ATP2B1: variants seen among roughly 807,000 people sequenced by gnomAD.
ATP2B1 encodes the protein plasma membrane calcium-transporting ATPase 1.
A neutral mutation model predicts 124.2 loss-of-function variants in ATP2B1; 14 were observed. That is an observed-to-expected ratio of 0.11 (90% CI 0.07 to 0.18). ATP2B1 has a LOEUF of 0.18. ATP2B1 is among the 10% of genes least tolerant of loss of function. ATP2B1 has a pLI of 1.00. For synonymous variants in ATP2B1, 449 were observed against 492.4 expected (o/e 0.91, Z 1.17); for missense variants, 763 against 1,466.1 (o/e 0.52, Z 7.83).
chr12:89,636,961 C>T (rs1882810741), intron 3 of ATP2B1, among the ~76,000 whole-genome samples: 1 of 152,196 alleles, frequency 6.6e-6, no homozygotes, highest in South Asian at 2.1e-4. Context: ...ACTCTCCCCG[C>T]TCCATTCCTC....
chr12:89,603,514 TC>T lies in ATP2B1; in HGVS notation c.2848+197del. 1.5e-6 allele frequency: 1 copy of T among 647,982 alleles called. No homozygotes were observed. Among genetic ancestry groups the T allele is most frequent in the Non-Finnish European group, 2.6e-6 (1 of 382,156 alleles). 40.1% of individuals were successfully genotyped at this position (647,982 alleles called of 1,614,324 possible). ...AGGGTAAGACATCAGGACTGTTTAT[TC>T]TCCTGTTTATTCTACTATCTAGCTT... On this transcript the variant is annotated intron_variant, in intron 17 of 20. Transcript: ENST00000428670. This position sits in a 1 kb window ranked among gnomAD's most constrained non-coding sequence, Gnocchi z 4.3.
chr12:89,599,377 T>A, intron 19 of ATP2B1, 78 bp from the exon 20 acceptor site: 1 of 1,464,146 alleles, frequency 6.8e-7, no homozygotes, highest in Non-Finnish European at 9.3e-7. Context: ...ACTAAAGGTA[T>A]TAAAAGTGGT....
chr12:89,685,595 G>T (rs1889870721), intron 1 of ATP2B1, among the ~76,000 whole-genome samples: 1 of 152,072 alleles, frequency 6.6e-6, no homozygotes, highest in Non-Finnish European at 1.5e-5. Flanking sequence ...AACTCTGGGG[G>T]TGTGGCCTCA....
At chr12:89,611,086 C>T in intron 13 of ATP2B1, 107 bp downstream of exon 13, 1 of 1,019,120 alleles carries the variant, frequency 9.8e-7, no homozygotes. Flanking sequence ...GCATTTATTT[C>T]ATGCATGGTG....
chr12:89,609,460 T>C (rs941885448), intron 15 of ATP2B1, among the ~76,000 whole-genome samples: 2 of 152,122 alleles, frequency 1.3e-5, no homozygotes, highest in African/African-American at 4.8e-5. Flanking sequence ...AATTGAGGAC[T>C]TTGGGGAAAA....
At chr12:89,604,733 T>C (rs1876503755) in intron 15 of ATP2B1, among the ~76,000 whole-genome samples, 1 of 151,764 alleles carries the variant, frequency 6.6e-6, no homozygotes, top group South Asian at 2.1e-4. Context: ...AAAAAACCCA[T>C]AAAACCTTAG....
intron 1 of ATP2B1, among the ~76,000 whole-genome samples, chr12:89,696,843 T>C (rs930086828): frequency 5.3e-5 from 8 of 152,170 alleles, no homozygotes; most frequent in Non-Finnish European, 5.9e-5. Flanking sequence ...TATGTGTAAA[T>C]TGCTTTGAAC....
At chr12:89,614,631 T>C (rs1878635722) in intron 12 of ATP2B1, among the ~76,000 whole-genome samples, 1 of 152,162 alleles carries the variant, frequency 6.6e-6, no homozygotes, top group African/African-American at 2.4e-5. Flanking sequence ...CATAAAAGCC[T>C]TCTTCCCTAG....
At chr12:89,650,590 A>C (rs1287559474) in intron 2 of ATP2B1, among the ~76,000 whole-genome samples, 2 of 152,206 alleles carry the variant, frequency 1.3e-5, no homozygotes, top group African/African-American at 4.8e-5. Flanking sequence ...TTAAAAGCTT[A>C]GTGTCTCATT....
chr12:89,699,349 A>G (rs1467731951), intron 1 of ATP2B1, among the ~76,000 whole-genome samples: 2 of 152,248 alleles, frequency 1.3e-5, no homozygotes, highest in Non-Finnish European at 1.5e-5. Flanking sequence ...CTGAAATCTT[A>G]GATAATTTAG....
intron 1 of ATP2B1, among the ~76,000 whole-genome samples, chr12:89,673,044 C>G (rs1480451096): frequency 6.6e-6 from 1 of 152,196 alleles, no homozygotes; most frequent in Admixed American, 6.5e-5. Context: ...TTATTCCTAT[C>G]CTCAAACTCA....
At chr12:89,641,913 C>T (rs1883583505) in intron 3 of ATP2B1, 2 of 459,380 alleles carry the variant, frequency 4.4e-6, no homozygotes, top group South Asian at 5.4e-5. Flanking sequence ...CTGTGCCAGA[C>T]ACATAGTAAG....
At chr12:89,610,071 T>C in intron 14 of ATP2B1, 28 bp from the exon 15 acceptor site, 4 of 1,568,424 alleles carry the variant, frequency 2.6e-6, no homozygotes, top group African/African-American at 2.7e-5. Flanking sequence ...ATTTGTGTTA[T>C]AAAAACATTA....
At chr12:89,592,947 G>C (rs943194732) in intron 20 of ATP2B1, among the ~76,000 whole-genome samples, 1 of 152,010 alleles carries the variant, frequency 6.6e-6, no homozygotes, top group Non-Finnish European at 1.5e-5. Context: ...TCCACACTTG[G>C]AGCAGCAAGC....
intron 1 of ATP2B1, among the ~76,000 whole-genome samples, chr12:89,670,800 T>A (rs1010598548): frequency 1.3e-5 from 2 of 152,084 alleles, no homozygotes; most frequent in Non-Finnish European, 2.9e-5. Context: ...GTACAAGTAA[T>A]CATTCGCCTG....
chr12:89,652,427 AAATG>A (rs1347746069), intron 2 of ATP2B1, among the ~76,000 whole-genome samples: 1 of 152,222 alleles, frequency 6.6e-6, no homozygotes, highest in Non-Finnish European at 1.5e-5. Flanking sequence ...ATGAATCAAT[AAATG>A]AATGAACTAA....
intron 3 of ATP2B1, among the ~76,000 whole-genome samples, chr12:89,636,091 T>A (rs531234942): frequency 6.6e-6 from 1 of 151,888 alleles, no homozygotes; most frequent in African/African-American, 2.4e-5. Context: ...GAAGGCCCCA[T>A]TGAGGTATGC....
At chr12:89,604,065 C>T (rs1487958095) in intron 16 of ATP2B1, 90 bp downstream of exon 16, 1 of 1,410,542 alleles carries the variant, frequency 7.1e-7, no homozygotes, top group Non-Finnish European at 9.6e-7. Context: ...TATTAAGCTT[C>T]AGCTTAAATA....
At chr12:89,665,285 G>A (rs1318030337) in intron 1 of ATP2B1, among the ~76,000 whole-genome samples, 1 of 151,988 alleles carries the variant, frequency 6.6e-6, no homozygotes, top group Admixed American at 6.5e-5. Flanking sequence ...CATAAACACT[G>A]CAAATAATTT....
Sources: allele counts gnomAD v4.1 joint callset (sites outside exome capture counted in the v4.1 genomes callset), GRCh38; gene constraint gnomAD v4.1.1; non-coding constraint Gnocchi (gnomAD v3.1); transcripts MANE v1.5; gene names NCBI Gene and HGNC (gene_info 2026-07-23, HGNC 2026-07-21).